Variants in BABAM2 observed in about 807,000 individuals in gnomAD.
BABAM2 encodes the protein BRISC and BRCA1-A complex member 2.
A neutral mutation model predicts 54.7 loss-of-function variants in BABAM2; 31 were observed. The observed-to-expected ratio is 0.57, with a 90% confidence interval of 0.43 to 0.77. The LOEUF is 0.77. BABAM2 is among the 30% of genes least tolerant of loss of function. BABAM2 has a pLI of 0.00. For missense variants in BABAM2, 364 were observed against 455.8 expected, an observed-to-expected ratio of 0.80 and a Z score of 1.83; for synonymous variants, 167 against 162.9, an observed-to-expected ratio of 1.03 and a Z score of -0.19.
chr2:28,326,108 C>T (rs888876326), intron 11 of BABAM2, among the ~76,000 whole-genome samples: 3 of 152,192 alleles, frequency 2.0e-5, no homozygotes, highest in African/African-American at 7.2e-5. Flanking sequence ...TCCCTGGGCA[C>T]TTCCTCTTTC....
chr2:28,090,892 A>G (rs916408370), intron 6 of BABAM2, among the ~76,000 whole-genome samples: 6 of 152,158 alleles, frequency 3.9e-5, no homozygotes, highest in African/African-American at 1.2e-4. Flanking sequence ...CACCCTGAAA[A>G]TTAGGATACA....
intron 6 of BABAM2, among the ~76,000 whole-genome samples, chr2:28,079,104 A>G (rs573932816): frequency 6.5e-4 from 99 of 152,328 alleles, no homozygotes; most frequent in African/African-American, 2.2e-3. Context: ...CTAAATTTAT[A>G]TAGAAAAAAT....
intron 4 of BABAM2, among the ~76,000 whole-genome samples, chr2:28,017,245 T>TAAG (rs766040304): frequency 2.6e-5 from 4 of 152,248 alleles, no homozygotes; most frequent in Non-Finnish European, 4.4e-5. Flanking sequence ...CTCTTACAAA[T>TAAG]AGGTCAATAG....
rs779442436 is a variant in BABAM2, at chr2:28,327,327, T to C, written c.1089-11123T>C. On this transcript the variant is annotated intron_variant, in intron 11 of 11. Coordinates refer to ENST00000379624, the MANE Select transcript of BABAM2 (RefSeq NM_199191.3). ...AGCCCGTGGGAGCAAGTCCTGGCCT[T>C]TGCAGTTGCAAAAACTGGCTGCAAG... 3 of 1,613,818 alleles carry C rather than the reference T, an allele frequency of 1.9e-6. No individual in the cohort carries two copies. In the South Asian group the frequency reaches 3.3e-5, roughly 18 times the overall value.
chr2:28,052,779 T>C (rs1267108166), intron 6 of BABAM2, among the ~76,000 whole-genome samples: 2 of 152,098 alleles, frequency 1.3e-5, no homozygotes, highest in African/African-American at 2.4e-5. Context: ...AAAAACAAAG[T>C]GTGTGTATGA....
intron 8 of BABAM2, 47 bp from the exon 9 acceptor site, chr2:28,241,276 T>C: frequency 4.5e-6 from 7 of 1,550,942 alleles, no homozygotes; most frequent in Non-Finnish European, 6.2e-6. Flanking sequence ...TAATAAAGCA[T>C]TTAAAAGATT....
chr2:28,164,162 G>A (rs914580507), intron 7 of BABAM2, among the ~76,000 whole-genome samples: 2 of 152,230 alleles, frequency 1.3e-5, no homozygotes, highest in African/African-American at 4.8e-5. Context: ...GGTCACTTCT[G>A]TGCATTCCGT....
intron 6 of BABAM2, among the ~76,000 whole-genome samples, chr2:28,103,469 C>G (rs375223396): frequency 2.0e-5 from 3 of 152,052 alleles, no homozygotes; most frequent in African/African-American, 7.2e-5. Flanking sequence ...CCACCATGCT[C>G]GGCTAATTTT....
At chr2:28,073,002 T>C (rs1573523115) in intron 6 of BABAM2, among the ~76,000 whole-genome samples, 1 of 152,236 alleles carries the variant, frequency 6.6e-6, no homozygotes, top group Non-Finnish European at 1.5e-5. Context: ...CTTTAGCTCC[T>C]GTTCAGTTTT....
intron 3 of BABAM2, among the ~76,000 whole-genome samples, chr2:27,956,101 T>C (rs1158717211): frequency 2.0e-5 from 3 of 152,160 alleles, no homozygotes; most frequent in Non-Finnish European, 2.9e-5. Context: ...CTTAATAATC[T>C]ATGATGGCAC....
chr2:28,337,224 T>A (rs1312150840), intron 11 of BABAM2, among the ~76,000 whole-genome samples: 1 of 152,016 alleles, frequency 6.6e-6, no homozygotes, highest in Non-Finnish European at 1.5e-5. Context: ...CCCACCTCCT[T>A]CCTCTGCAGC....
At position 28,231,490 on chromosome 2, in the gene BABAM2, C is replaced by T. The variant is rs182758431; in HGVS notation, c.681-5712C>T. Among the ~76,000 whole-genome samples the T allele has an allele frequency of 1.3e-3, 199 of 152,320 alleles. 1 individual carries two copies. Among genetic ancestry groups the T allele is most frequent in the Admixed American group, 2.4e-3 (36 of 15,300 alleles). On this transcript the variant is annotated intron_variant, in intron 7 of 11. Transcript: ENST00000379624. Reference sequence around the variant, plus strand: ...AGGATTTCTCTTAGCTTGGAGTCTGCAGGCTGCTTGTTTCTACATCCTGGA... The same window carrying T: ...AGGATTTCTCTTAGCTTGGAGTCTGTAGGCTGCTTGTTTCTACATCCTGGA...
At chr2:28,075,440 C>A (rs1664565903) in intron 6 of BABAM2, among the ~76,000 whole-genome samples, 1 of 152,052 alleles carries the variant, frequency 6.6e-6, no homozygotes, top group African/African-American at 2.4e-5. Context: ...CCCTTCTAAG[C>A]AAAGAATATT....
At chr2:28,146,234 G>T (rs1671481675) in intron 7 of BABAM2, among the ~76,000 whole-genome samples, 1 of 152,134 alleles carries the variant, frequency 6.6e-6, no homozygotes, top group Non-Finnish European at 1.5e-5. Flanking sequence ...TCTGTGTGTT[G>T]TCTTTTCATT....
upstream of BABAM2, chr2:27,890,095 T>C: frequency 1.6e-6 from 1 of 609,656 alleles, no homozygotes; most frequent in Non-Finnish European, 2.9e-6. This position sits in a 1 kb window ranked among gnomAD's most constrained non-coding sequence, Gnocchi z 4.8. Flanking sequence ...AGTTCTTTCA[T>C]GCCAGGAAGG....
chr2:27,979,874 G>A (rs1015109113), intron 3 of BABAM2, among the ~76,000 whole-genome samples: 4 of 152,140 alleles, frequency 2.6e-5, no homozygotes, highest in African/African-American at 9.7e-5. Flanking sequence ...TTAGGGAGTA[G>A]GAGATATGGT....
intron 11 of BABAM2, among the ~76,000 whole-genome samples, chr2:28,301,003 T>TGAAA (rs1202768447): frequency 6.6e-6 from 1 of 152,164 alleles, no homozygotes; most frequent in East Asian, 1.9e-4. Context: ...ATAAACACCG[T>TGAAA]GAAAGAACTG....
rs527579003 is a variant in BABAM2 at position 28,050,750 on chromosome 2, TA to T, written c.570+4952del. 1.4e-3 allele frequency among the ~76,000 whole-genome samples: 219 copies of T among 152,318 alleles called. 1 individual carries two copies. The highest frequency in any genetic ancestry group is 5.1e-3 in the African/African-American group (211 of 41,566). On this transcript the variant is annotated intron_variant, in intron 6 of 11. Coordinates refer to ENST00000379624, the MANE Select transcript of BABAM2 (RefSeq NM_199191.3). ...TAAAATTGTTATGGATTGGAATGAT[TA>T]GGTCATAAAATCTTTATGACCAAGT...
intron 2 of BABAM2, among the ~76,000 whole-genome samples, chr2:27,905,282 C>T (rs555582421): frequency 8.1e-4 from 124 of 152,194 alleles, no homozygotes; most frequent in African/African-American, 3.0e-3. Flanking sequence ...GGTTGGAACA[C>T]AGGAAGCCAT....
Sources: allele counts gnomAD v4.1 joint callset (sites outside exome capture counted in the v4.1 genomes callset), GRCh38; gene constraint gnomAD v4.1.1; non-coding constraint Gnocchi (gnomAD v3.1); transcripts MANE v1.5; gene names NCBI Gene and HGNC (gene_info 2026-07-23, HGNC 2026-07-21).